Variants in TOLLIP observed in about 807,000 individuals in gnomAD.
TOLLIP encodes the protein toll-interacting protein.
A neutral mutation model predicts 33.5 loss-of-function variants in TOLLIP; 16 were observed. That is an observed-to-expected ratio of 0.48 (90% CI 0.32 to 0.72). The LOEUF is 0.72. TOLLIP is among the 30% of genes least tolerant of loss of function. TOLLIP has a pLI of 0.03. For missense variants in TOLLIP, 325 were observed against 396.6 expected, an observed-to-expected ratio of 0.82 and a Z score of 1.53; for synonymous variants, 176 against 163.7, an observed-to-expected ratio of 1.07 and a Z score of -0.57.
chr11:1,286,887 T>C (rs1015425389), intron 4 of TOLLIP, among the ~76,000 whole-genome samples: 1 of 152,170 alleles, frequency 6.6e-6, no homozygotes, highest in Non-Finnish European at 1.5e-5. Context: ...ACTGCACTGC[T>C]GTCTCCTGAG....
rs1005654667 is a variant in TOLLIP at position 1,278,186 on chromosome 11, C to T, written c.611-933G>A. On this transcript the variant is annotated intron_variant, in intron 5 of 5. Coordinates refer to ENST00000317204, the MANE Select transcript of TOLLIP (RefSeq NM_019009.4). This position sits in a 1 kb window ranked among gnomAD's most constrained non-coding sequence, Gnocchi z 4.7. ...CAGCCCTGAGCACAGGCAGCGTGCGCGGGGCTCAGCGACCAGTGAGGCACA... is the reference window on the plus strand; with the variant it reads ...CAGCCCTGAGCACAGGCAGCGTGCGTGGGGCTCAGCGACCAGTGAGGCACA... 4.0e-5 allele frequency among the ~76,000 whole-genome samples: 6 copies of T among 151,476 alleles called. No individual in the cohort carries two copies. Among genetic ancestry groups the T allele is most frequent in the African/African-American group, 7.4e-5 (3 of 40,796 alleles).
chr11:1,277,283 C>T lies in TOLLIP; in HGVS notation c.611-30G>A, dbSNP rs759716943. On this transcript the variant is annotated intron_variant, in intron 5 of 5. Coordinates refer to ENST00000317204, the MANE Select transcript of TOLLIP (RefSeq NM_019009.4). The surrounding 1 kb of genome is among the most constrained non-coding windows in gnomAD (Gnocchi z 4.2). Reference sequence around the variant, plus strand: ...AAGCAAAGATCAAGTTTGGTAAAAACGTCGGAAAGTTCCAGAAGTGCCACA... The same window carrying T: ...AAGCAAAGATCAAGTTTGGTAAAAATGTCGGAAAGTTCCAGAAGTGCCACA... 56 of 1,505,920 alleles carry T rather than the reference C, an allele frequency of 3.7e-5. No individual in the cohort carries two copies. Among genetic ancestry groups the T allele is most frequent in the South Asian group, 2.4e-4 (18 of 76,348 alleles). The allele number at this position is 1,505,920 out of a possible 1,614,324, so 93.3% of individuals were successfully genotyped here. A position where few individuals can be genotyped will look rare whatever the true frequency, so the allele number is the denominator to read the frequency against.
intron 1 of TOLLIP, 27 bp downstream of exon 1, chr11:1,309,439 C>T (rs1453031757): frequency 3.1e-6 from 4 of 1,278,550 alleles, no homozygotes; most frequent in Non-Finnish European, 4.0e-6. Context: ...TCACCGCCCC[C>T]GCCCGACCCT....
chr11:1,306,480 G>A (rs1055364192), intron 1 of TOLLIP, among the ~76,000 whole-genome samples: 1 of 152,116 alleles, frequency 6.6e-6, no homozygotes, highest in Non-Finnish European at 1.5e-5. Flanking sequence ...ATCTCTTTCT[G>A]CTGGAAAGCT....
In TOLLIP at chr11:1,309,451, G is replaced by A. The variant is rs904678160; in HGVS notation, c.33+15C>T. 3.1e-6 allele frequency: 4 copies of A among 1,305,788 alleles called. No homozygotes were observed. Among genetic ancestry groups the A allele is most frequent in the Admixed American group, 3.2e-5 (1 of 31,052 alleles). The allele number at this position is 1,305,788 out of a possible 1,614,324, so 80.9% of individuals were successfully genotyped here. A position where few individuals can be genotyped will look rare whatever the true frequency, so the allele number is the denominator to read the frequency against. ...AGGTCACCGCCCCCGCCCGACCCTC[G>A]CCCGGCTGCCTCACCGGCCCGCGCT... On this transcript the variant is annotated intron_variant, in intron 1 of 5. Transcript: ENST00000317204.
At chr11:1,300,925 G>A (rs1220553704) in intron 1 of TOLLIP, among the ~76,000 whole-genome samples, 1 of 152,272 alleles carries the variant, frequency 6.6e-6, no homozygotes, top group Non-Finnish European at 1.5e-5. Context: ...GACGCTGCGA[G>A]GCTGTGGAGG....
At chr11:1,302,286 C>A (rs1389298603) in intron 1 of TOLLIP, among the ~76,000 whole-genome samples, 1 of 152,242 alleles carries the variant, frequency 6.6e-6, no homozygotes, top group East Asian at 1.9e-4. Context: ...AGGACAGACC[C>A]TGGGTGGCCC....
In TOLLIP at chr11:1,295,688, C is replaced by T; in HGVS notation, c.140G>A (p.Gly47Asp). Residue 47 changes from glycine (G) to aspartate (D), a missense_variant, in exon 2 of 6, where the codon GGC (glycine) becomes GAC (aspartate). By Grantham distance (94) the Gly-to-Asp change is moderately conservative (BLOSUM62 -1). Transcript: ENST00000317204. Reference protein sequence around the residue: ...AQAAQQLQYGGAVGTVGRLNI... With the variant: ...AQAAQQLQYGDAVGTVGRLNI... ...CAGTCGGCCCACGGTGCCCACTGCG[C>T]CTCCGTACTGCAGCTGCTGGGCCGC... 6.2e-7 allele frequency: 1 copy of T among 1,610,540 alleles called. No individual in the cohort carries two copies. The highest frequency in any genetic ancestry group is 8.5e-7 in the Non-Finnish European group (1 of 1,178,302).
At chr11:1,299,811 T>C (rs1007593591) in intron 1 of TOLLIP, among the ~76,000 whole-genome samples, 1 of 152,238 alleles carries the variant, frequency 6.6e-6, no homozygotes, top group Non-Finnish European at 1.5e-5. Flanking sequence ...CTGCGTCACC[T>C]GTGCCGTCAA....
At chr11:1,298,743 C>T (rs533675688) in intron 1 of TOLLIP, among the ~76,000 whole-genome samples, 7 of 152,362 alleles carry the variant, frequency 4.6e-5, no homozygotes, top group South Asian at 2.1e-4. Flanking sequence ...CCACGCAGCC[C>T]GGGGACCGCA....
At chr11:1,281,586 C>T (rs1395507619) in intron 5 of TOLLIP, among the ~76,000 whole-genome samples, 3 of 152,214 alleles carry the variant, frequency 2.0e-5, no homozygotes, top group African/African-American at 4.8e-5. Context: ...GCTGAATGAA[C>T]GAGCGGCTGA....
chr11:1,286,310 AT>A (rs1479947083), intron 4 of TOLLIP, among the ~76,000 whole-genome samples: 2 of 152,188 alleles, frequency 1.3e-5, no homozygotes, highest in Admixed American at 1.3e-4. Context: ...AGGAGGTGAC[AT>A]GGCTCGGGCT....
rs5744013 is a variant in TOLLIP at position 1,277,735 on chromosome 11, T to C, written c.611-482A>G. Among the ~76,000 whole-genome samples the C allele has an allele frequency of 0.061, 9,343 of 152,240 alleles. 333 individuals are homozygous for C. The highest frequency in any genetic ancestry group is 0.11 in the Admixed American group (1,680 of 15,292). On this transcript the variant is annotated intron_variant, in intron 5 of 5. Transcript: ENST00000317204. This position sits in a 1 kb window ranked among gnomAD's most constrained non-coding sequence, Gnocchi z 4.2. ...TCTGAGCCTCTTCCTTTATCAGGCATTCTAGAAGATGCTTTTGCAGCTTGG... is the reference window on the plus strand; with the variant it reads ...TCTGAGCCTCTTCCTTTATCAGGCACTCTAGAAGATGCTTTTGCAGCTTGG...
intron 5 of TOLLIP, among the ~76,000 whole-genome samples, chr11:1,280,815 G>A (rs1193279217): frequency 6.6e-6 from 1 of 152,152 alleles, no homozygotes; most frequent in Non-Finnish European, 1.5e-5. Flanking sequence ...TGTCAGTCTC[G>A]TGGGGACCCT....
chr11:1,280,009 G>C (rs1203181952), intron 5 of TOLLIP, among the ~76,000 whole-genome samples: 1 of 152,202 alleles, frequency 6.6e-6, no homozygotes, highest in Non-Finnish European at 1.5e-5. Flanking sequence ...TCACTCCACA[G>C]AGCGTTATCA....
intron 4 of TOLLIP, 43 bp from the exon 5 acceptor site, chr11:1,286,135 C>A: frequency 2.7e-6 from 4 of 1,484,236 alleles, no homozygotes; most frequent in Non-Finnish European, 3.7e-6. Flanking sequence ...GGAGGAACAT[C>A]CACCCATCAG....
intron 1 of TOLLIP, among the ~76,000 whole-genome samples, chr11:1,305,260 G>C (rs1283764932): frequency 6.6e-6 from 1 of 152,238 alleles, no homozygotes; most frequent in Non-Finnish European, 1.5e-5. Context: ...GAAAGGACTC[G>C]TGAGGAGGCG....
chr11:1,288,545 G>A lies in TOLLIP; in HGVS notation c.519+79C>T, dbSNP rs5743971. On this transcript the variant is annotated intron_variant, in intron 4 of 5. Transcript: ENST00000317204. ...TCAGTGCCTCCAGGAAAGAGACAAG[G>A]GTGTCTGTGGGGCGGCATAGCCCCG... is the stretch of plus-strand genomic sequence containing the variant. 1.3e-3 allele frequency: 1,886 copies of A among 1,477,840 alleles called. 2 individuals carry two copies. The highest frequency in any genetic ancestry group is 1.6e-3 in the Non-Finnish European group (1,761 of 1,100,212). 91.5% of individuals were successfully genotyped at this position (1,477,840 alleles called of 1,614,324 possible).
Position 1,276,942 on chromosome 11 carries a change from G to C in TOLLIP, c.*97C>G. 1 of 1,580,092 alleles carries C rather than the reference G, an allele frequency of 6.3e-7. No individual in the cohort carries two copies. Among genetic ancestry groups the C allele is most frequent in the Non-Finnish European group, 8.6e-7 (1 of 1,160,536 alleles). The stretch of plus-strand genomic sequence containing the variant: ...GTCCACGGGAGGGGGCGACACGGGT[G>C]CTCTTTCACGGGAATCTTGTTGGGA... On this transcript the variant is annotated 3_prime_UTR_variant, in exon 6 of 6. Transcript: ENST00000317204.
Sources: gnomAD v4.1 joint callset for allele counts (sites outside exome capture counted in the v4.1 genomes callset) on GRCh38, gnomAD v4.1.1 for gene constraint, Gnocchi (gnomAD v3.1) non-coding constraint, MANE v1.5 for transcripts, NCBI Gene and HGNC (gene_info 2026-07-23, HGNC 2026-07-21) for gene names.